PPA1: variants seen among roughly 807,000 people sequenced by gnomAD.
PPA1 encodes the protein inorganic pyrophosphatase 1, also known as inorganic pyrophosphatase.
Under a neutral mutation model 41.8 loss-of-function variants are expected in PPA1, and 23 were observed. The observed-to-expected ratio is 0.55, with a 90% confidence interval of 0.40 to 0.78. The LOEUF (loss-of-function observed/expected upper bound fraction) is 0.78, where lower values mean the gene tolerates loss of function less well. Among genes scored for constraint, PPA1 ranks in the 30% least tolerant of loss-of-function variants. PPA1 has a pLI of 0.00. For synonymous variants in PPA1, 101 were observed against 116.8 expected, an observed-to-expected ratio of 0.86 and a Z score of 0.87; for missense variants, 320 against 361.6, an observed-to-expected ratio of 0.89 and a Z score of 0.93.
At chr10:70,220,977 A>G (rs1315414903) in intron 2 of PPA1, among the ~76,000 whole-genome samples, 2 of 44,482 alleles carry the variant, frequency 4.5e-5, no homozygotes, top group Admixed American at 8.8e-4. Context: ...TTTTATATAT[A>G]TACTATATAT....
rs997063532 is a variant in PPA1 at position 70,233,291 on chromosome 10, A to G, written c.37T>C (p.Phe13Leu). ...GFSTEERAAP[F>L]SLEYRVFLKN... ...AGGAAGACTCGGTACTCCAGGGAGA[A>G]GGGCGCGGCGCGCTCCTCGGTGCTG... The change falls in exon 1 of 11, where the codon TTC (phenylalanine) becomes CTC (leucine). Residue 13 changes from phenylalanine (F) to leucine (L), a missense_variant. By Grantham distance (22) the Phe-to-Leu change is conservative (BLOSUM62 0). Coordinates refer to ENST00000373232, the MANE Select transcript of PPA1 (RefSeq NM_021129.4). 6.5e-7 allele frequency: 1 copy of G among 1,542,984 alleles called. No individual in the cohort carries two copies. The highest frequency in any genetic ancestry group is 8.7e-7 in the Non-Finnish European group (1 of 1,144,590).
chr10:70,233,252 G>A lies in PPA1; in HGVS notation c.64+12C>T, dbSNP rs1345344697. On this transcript the variant is annotated intron_variant, in intron 1 of 10. Transcript: ENST00000373232. ...GACGGGCGCGGAGGGGCCACGGGCC[G>A]CAGACACTCACTGAGGAAGACTCGG... 1.3e-6 allele frequency: 2 copies of A among 1,536,076 alleles called. No individual in the cohort carries two copies. Among genetic ancestry groups the A allele is most frequent in the East Asian group, 2.5e-5 (1 of 39,318 alleles).
intron 2 of PPA1, among the ~76,000 whole-genome samples, chr10:70,224,073 G>A (rs1341097228): frequency 6.6e-6 from 1 of 152,012 alleles, no homozygotes; most frequent in Non-Finnish European, 1.5e-5. Flanking sequence ...AAGGGAAAAG[G>A]CAAACTATAA....
At chr10:70,207,039 G>A (rs1839953303) in intron 8 of PPA1, among the ~76,000 whole-genome samples, 1 of 152,032 alleles carries the variant, frequency 6.6e-6, no homozygotes, top group African/African-American at 2.4e-5. Flanking sequence ...GTGTTGGTGA[G>A]ACATCTGAAA....
intron 2 of PPA1, among the ~76,000 whole-genome samples, chr10:70,220,244 T>C (rs1840122774): frequency 7.3e-6 from 1 of 137,570 alleles, no homozygotes; most frequent in South Asian, 2.3e-4. Flanking sequence ...ATTATGCTTA[T>C]AAAAAGTACT....
At chr10:70,204,042 T>TA (rs1839909271) in intron 10 of PPA1, 1 of 152,320 alleles carries the variant, frequency 6.6e-6, no homozygotes, top group Admixed American at 6.6e-5. Context: ...CTGTGTATGT[T>TA]AAAAATATGT....
intron 6 of PPA1, among the ~76,000 whole-genome samples, chr10:70,211,409 T>C (rs1387643688): frequency 6.6e-6 from 1 of 152,172 alleles, no homozygotes. Flanking sequence ...CTGCCCCACT[T>C]CAGATGCCTC....
chr10:70,206,191 C>A, intron 9 of PPA1, 73 bp downstream of exon 9: 2 of 1,134,464 alleles, frequency 1.8e-6, no homozygotes, highest in Non-Finnish European at 1.3e-6. Flanking sequence ...GAAACAAGTA[C>A]TTCCTCTCCC....
In PPA1 at chr10:70,228,619, A is replaced by C. The variant is rs114173424; in HGVS notation, c.123+1722T>G. ...ATCAACTCCCAGGAAATCAGATGTAACAAATTCGAGTTTCTGAATAAATAC... is the reference window on the plus strand; with the variant it reads ...ATCAACTCCCAGGAAATCAGATGTACCAAATTCGAGTTTCTGAATAAATAC... On this transcript the variant is annotated intron_variant, in intron 2 of 10. Coordinates refer to ENST00000373232, the MANE Select transcript of PPA1 (RefSeq NM_021129.4). Among the ~76,000 whole-genome samples, 567 of 152,294 alleles carry C rather than the reference A, an allele frequency of 3.7e-3. 7 individuals carry two copies. The highest frequency in any genetic ancestry group is 0.013 in the African/African-American group (546 of 41,560).
chr10:70,233,218 G>A (rs1840311890), intron 1 of PPA1, 46 bp downstream of exon 1: 3 of 1,521,344 alleles, frequency 2.0e-6, no homozygotes, highest in Non-Finnish European at 2.6e-6. Flanking sequence ...GCCCGGGAAT[G>A]AATGGGCGGA....
rs1564584207 is a variant in PPA1 at position 70,220,705 on chromosome 10, AATATATATAATTTATATATATAAT to A, written c.124-1912_124-1889del. 4.9e-3 allele frequency among the ~76,000 whole-genome samples: 20 copies of A among 4,078 alleles called. 3 individuals carry two copies. Among genetic ancestry groups the A allele is most frequent in the African/African-American group, 0.018 (20 of 1,096 alleles). 2.7% of individuals were successfully genotyped at this position (4,078 alleles called of 152,430 possible). ...TAATATATATAATTTATATATATAT[AATATATATAATTTATATATATAAT>A]ATATATAATTTATATATATATAATA... On this transcript the variant is annotated intron_variant, in intron 2 of 10. Coordinates refer to ENST00000373232, the MANE Select transcript of PPA1 (RefSeq NM_021129.4).
In PPA1 at chr10:70,224,320, C is replaced by A. The variant is rs114526916; in HGVS notation, c.124-5503G>T. On this transcript the variant is annotated intron_variant, in intron 2 of 10. Coordinates refer to ENST00000373232, the MANE Select transcript of PPA1 (RefSeq NM_021129.4). ...ATTTTATCAAGTAGTCAAGATGTTACAACAAAACATTAAAGATGTCCAGAT... is the reference window on the plus strand; with the variant it reads ...ATTTTATCAAGTAGTCAAGATGTTAAAACAAAACATTAAAGATGTCCAGAT... 4.6e-3 allele frequency among the ~76,000 whole-genome samples: 694 copies of A among 150,514 alleles called. 6 individuals are homozygous for A. Among genetic ancestry groups the A allele is most frequent in the African/African-American group, 0.016 (666 of 40,950 alleles).
In PPA1 at chr10:70,229,392, A is replaced by G. The variant is rs193178089; in HGVS notation, c.123+949T>C. Among the ~76,000 whole-genome samples the G allele has an allele frequency of 2.0e-5, 3 of 152,290 alleles. No individual in the cohort carries two copies. In the East Asian group the frequency reaches 5.8e-4, roughly 29 times the overall value. ...GTGATCCTCCCAGCACAGCCTCCCA[A>G]GTGGGATTACAATTGCCCCACACTC... On this transcript the variant is annotated intron_variant, in intron 2 of 10. Coordinates refer to ENST00000373232, the MANE Select transcript of PPA1 (RefSeq NM_021129.4).
At chr10:70,232,189 G>C (rs1840295765) in intron 1 of PPA1, among the ~76,000 whole-genome samples, 1 of 152,108 alleles carries the variant, frequency 6.6e-6, no homozygotes, top group African/African-American at 2.4e-5. Context: ...GCTACTTTTT[G>C]TTCCTTCAAT....
chr10:70,210,302 C>G, intron 6 of PPA1: 1 of 1,178,876 alleles, frequency 8.5e-7, no homozygotes, highest in Non-Finnish European at 1.2e-6. Flanking sequence ...GTCTCAAACT[C>G]CTGGGCTCAA....
Position 70,220,954 on chromosome 10 carries a change from TA to T in PPA1, c.124-2138del, listed in dbSNP as rs1554830573. On this transcript the variant is annotated intron_variant, in intron 2 of 10. Coordinates refer to ENST00000373232, the MANE Select transcript of PPA1 (RefSeq NM_021129.4). ...ATATACTATATATATAATTTATATA[TA>T]ATATATATAATTTTTATATATATAC... Among the ~76,000 whole-genome samples the T allele has an allele frequency of 6.5e-3, 126 of 19,452 alleles. 5 individuals carry two copies. Among genetic ancestry groups the T allele is most frequent in the South Asian group, 0.011 (7 of 654 alleles). The allele number at this position is 19,452 out of a possible 152,430, so 12.8% of individuals were successfully genotyped here. A position where few individuals can be genotyped will look rare whatever the true frequency, so the allele number is the denominator to read the frequency against.
intron 4 of PPA1, among the ~76,000 whole-genome samples, chr10:70,216,502 AT>A (rs1235464106): frequency 4.3e-5 from 6 of 140,298 alleles, no homozygotes; most frequent in African/African-American, 7.8e-5. Context: ...AAAAAAAAAA[AT>A]TTCAATTAAA....
intron 2 of PPA1, among the ~76,000 whole-genome samples, chr10:70,219,868 A>AT (rs997575803): frequency 2.0e-5 from 3 of 151,918 alleles, no homozygotes; most frequent in South Asian, 2.1e-4. Context: ...TCAGAATACT[A>AT]TTTTTTTTCA....
At chr10:70,231,219 C>A (rs1172123979) in intron 1 of PPA1, among the ~76,000 whole-genome samples, 1 of 152,206 alleles carries the variant, frequency 6.6e-6, no homozygotes, top group Non-Finnish European at 1.5e-5. Flanking sequence ...TTTAAAACTT[C>A]TTCAGTATTC....
Sources: gnomAD v4.1 joint callset for allele counts (sites outside exome capture counted in the v4.1 genomes callset) on GRCh38, gnomAD v4.1.1 for gene constraint, MANE v1.5 for transcripts, NCBI Gene and HGNC (gene_info 2026-07-23, HGNC 2026-07-21) for gene names.